Variants in CCDC33 observed in about 807,000 individuals in gnomAD.
CCDC33 encodes the protein coiled-coil domain containing 33, also known as coiled-coil domain-containing protein 33.
Under a neutral mutation model 91.9 loss-of-function variants are expected in CCDC33, and 94 were observed. The ratio of observed to expected loss-of-function variants is 1.02; its 90% CI spans 0.87 to 1.21. The LOEUF (loss-of-function observed/expected upper bound fraction) is 1.21. Ranked by LOEUF, CCDC33 falls within the 50% of genes most tolerant of loss-of-function variation. The pLI, the probability that CCDC33 is intolerant of heterozygous loss-of-function variation, is 0.00. For synonymous variants in CCDC33, 396 were observed against 374.5 expected (o/e 1.06, Z -0.66); for missense variants, 940 against 935.5 (o/e 1.00, Z -0.06).
chr15:74,331,078 A>T lies in CCDC33; in HGVS notation c.1643A>T (p.Lys548Met). The T allele has an allele frequency of 2.5e-6, 4 of 1,613,452 alleles. No individual in the cohort carries two copies. Among genetic ancestry groups the T allele is most frequent in the Non-Finnish European group, 3.4e-6 (4 of 1,179,648 alleles). ...TACCAGGGCAAGCTGCAGAAGATGA[A>T]GGCGCTGGAGGAGACTGTGCGGCAC... ...KQYQGKLQKM[K>M]ALEETVRHQE... The change falls in exon 14 of 19, where the codon AAG (lysine) becomes ATG (methionine). Residue 548 changes from lysine (K) to methionine (M), a missense_variant. Physicochemically the swap from Lys to Met is moderately conservative, Grantham distance 95. Coordinates refer to ENST00000398814, the MANE Select transcript of CCDC33 (RefSeq NM_025055.5).
intron 11 of CCDC33, among the ~76,000 whole-genome samples, chr15:74,327,938 C>A (rs1452888486): frequency 1.3e-5 from 2 of 152,196 alleles, no homozygotes; most frequent in Admixed American, 1.3e-4. Context: ...GCCTGTGGTG[C>A]AGAGACTGAG....
upstream of CCDC33, among the ~76,000 whole-genome samples, chr15:74,216,148 C>T (rs1257904988): frequency 2.0e-5 from 3 of 152,098 alleles, no homozygotes; most frequent in Non-Finnish European, 4.4e-5. Flanking sequence ...AGTCACTAAG[C>T]TCCAAGACCT....
chr15:74,315,027 C>A (rs1270415381), intron 11 of CCDC33, among the ~76,000 whole-genome samples: 1 of 152,146 alleles, frequency 6.6e-6, no homozygotes, highest in African/African-American at 2.4e-5. Context: ...GGTTTTATTG[C>A]GGGCAGTGAG....
chr15:74,205,299 T>G (rs1279519322), intron 1 of CCDC33, among the ~76,000 whole-genome samples: 1 of 152,150 alleles, frequency 6.6e-6, no homozygotes, highest in Non-Finnish European at 1.5e-5. Context: ...GGGGTTTATG[T>G]GGCTCACAGT....
intron 1 of CCDC33, chr15:74,208,919 T>C: frequency 1.0e-6 from 1 of 993,596 alleles, no homozygotes; most frequent in Non-Finnish European, 1.2e-6. Context: ...GGCCTTCTCC[T>C]CTGAGCCCAG....
At chr15:74,238,141 C>T (rs923163481) in intron 1 of CCDC33, among the ~76,000 whole-genome samples, 2 of 148,478 alleles carry the variant, frequency 1.3e-5, no homozygotes, top group Non-Finnish European at 3.0e-5. Flanking sequence ...AATAAAAGGA[C>T]GTTGGCCAGG....
chr15:74,292,267 C>T (rs573814803), intron 10 of CCDC33, among the ~76,000 whole-genome samples: 24 of 152,266 alleles, frequency 1.6e-4, no homozygotes, highest in African/African-American at 5.8e-4. Flanking sequence ...AAGGCTCTTC[C>T]CATCCTCCAC....
intron 5 of CCDC33, among the ~76,000 whole-genome samples, chr15:74,270,440 C>T (rs552551932): frequency 2.0e-3 from 298 of 152,172 alleles, no homozygotes; most frequent in African/African-American, 6.3e-3. Context: ...TCGGGAGACA[C>T]GGCAGAGGGG....
chr15:74,262,689 T>C, intron 3 of CCDC33, 116 bp downstream of exon 3: 12 of 1,121,080 alleles, frequency 1.1e-5, no homozygotes, highest in Admixed American at 2.7e-5. Flanking sequence ...GAACACCTCC[T>C]TGGGCTCAGT....
intron 10 of CCDC33, among the ~76,000 whole-genome samples, chr15:74,293,645 A>G (rs553971832): frequency 1.5e-3 from 236 of 152,330 alleles, no homozygotes; most frequent in African/African-American, 5.2e-3. Flanking sequence ...ATAGCTACTG[A>G]GAGGACCAGG....
intron 11 of CCDC33, among the ~76,000 whole-genome samples, chr15:74,306,827 G>A (rs2142713026): frequency 6.6e-6 from 1 of 152,306 alleles, no homozygotes; most frequent in African/African-American, 2.4e-5. Flanking sequence ...CACCCAGAGA[G>A]AGAGAAAATT....
rs1227508678 is a variant in CCDC33 at position 74,316,840 on chromosome 15, C to T, written c.1291-13349C>T. On this transcript the variant is annotated intron_variant, in intron 11 of 18. Transcript: ENST00000398814. The surrounding 1 kb of genome is among the most constrained non-coding windows in gnomAD (Gnocchi z 4.7). ...ACTCGCAGCCTCATTTAATCCCCAA[C>T]AGCGTTATGAGATGGGCACAGTGAT... Among the ~76,000 whole-genome samples the T allele has an allele frequency of 6.6e-6, 1 of 152,200 alleles. No individual in the cohort carries two copies. The highest frequency in any genetic ancestry group is 1.5e-5 in the Non-Finnish European group (1 of 68,038).
At chr15:74,333,752 G>A (rs1036256496) in intron 16 of CCDC33, 129 bp from the exon 17 acceptor site, 45 of 674,162 alleles carry the variant, frequency 6.7e-5, no homozygotes, top group Admixed American at 5.3e-4. Context: ...CAGGTCTGAC[G>A]CTCTGCCTCG....
rs1392510802 is a variant in CCDC33 at position 74,244,123 on chromosome 15, T to C, written c.160T>C (p.Ser54Pro). 3.7e-6 allele frequency: 6 copies of C among 1,613,418 alleles called. No homozygotes were observed. The highest frequency in any genetic ancestry group is 4.2e-6 in the Non-Finnish European group (5 of 1,179,596). Residue 54 changes from serine (S) to proline (P), a missense_variant, in exon 2 of 19, where the codon TCC becomes CCC. Coordinates refer to ENST00000398814, the MANE Select transcript of CCDC33 (RefSeq NM_025055.5). The surrounding 1 kb of genome is among the most constrained non-coding windows in gnomAD (Gnocchi z 4.2). ...ATNLPACKDGSEPWPYVVVKS... is the reference protein window; with the variant it reads ...ATNLPACKDGPEPWPYVVVKS... ...CAACCTGCCTGCCTGCAAGGATGGCTCCGAGCCGTGGCCCTATGTGGTGGT... is the reference window on the plus strand; with the variant it reads ...CAACCTGCCTGCCTGCAAGGATGGCCCCGAGCCGTGGCCCTATGTGGTGGT...
intron 11 of CCDC33, among the ~76,000 whole-genome samples, chr15:74,315,241 T>C (rs919679213): frequency 6.6e-6 from 1 of 152,202 alleles, no homozygotes; most frequent in Admixed American, 6.5e-5. Context: ...CAGCTAAGCA[T>C]GGCTATCAAC....
chr15:74,247,316 C>T (rs1157650258), intron 2 of CCDC33, among the ~76,000 whole-genome samples: 1 of 151,210 alleles, frequency 6.6e-6, no homozygotes, highest in Non-Finnish European at 1.5e-5. Context: ...TAGGATCAAC[C>T]TAAGTGTTTG....
intron 11 of CCDC33, among the ~76,000 whole-genome samples, chr15:74,313,629 A>G (rs560809280): frequency 6.6e-6 from 1 of 152,048 alleles, no homozygotes; most frequent in African/African-American, 2.4e-5. Context: ...CATATTGGCC[A>G]GGATGGTCTC....
At chr15:74,231,973 C>T (rs1456801206), upstream of CCDC33, among the ~76,000 whole-genome samples, 1 of 152,122 alleles carries the variant, frequency 6.6e-6, no homozygotes, top group Non-Finnish European at 1.5e-5. Flanking sequence ...GAGATTATGC[C>T]ACTGCACTCC....
chr15:74,317,497 C>A (rs1281229254), intron 11 of CCDC33, among the ~76,000 whole-genome samples: 1 of 152,232 alleles, frequency 6.6e-6, no homozygotes, highest in African/African-American at 2.4e-5. Context: ...CTGAGCTGGG[C>A]ACCCAGCAGC....
Sources: gnomAD v4.1 joint callset for allele counts (sites outside exome capture counted in the v4.1 genomes callset) on GRCh38, gnomAD v4.1.1 for gene constraint, Gnocchi (gnomAD v3.1) non-coding constraint, MANE v1.5 for transcripts, NCBI Gene and HGNC (gene_info 2026-07-23, HGNC 2026-07-21) for gene names.